The following MCU variants were observed in gnomAD, a reference collection of about 807,000 sequenced individuals.
The protein encoded by MCU is calcium uniporter protein, mitochondrial.
A neutral mutation model predicts 45.2 loss-of-function variants in MCU; 12 were observed. The ratio of observed to expected loss-of-function variants is 0.27; its 90% confidence interval spans 0.17 to 0.43. The LOEUF is 0.43. MCU is among the 20% of genes least tolerant of loss of function. The pLI is 1.00. For missense variants in MCU, 324 were observed against 436.7 expected (o/e 0.74, Z 2.30); for synonymous variants, 160 against 165.1 (o/e 0.97, Z 0.24).
At chr10:72,748,343 G>A (rs72812222) in intron 1 of MCU, among the ~76,000 whole-genome samples, 21 of 152,272 alleles carry the variant, frequency 1.4e-4, no homozygotes, top group Non-Finnish European at 2.5e-4. Flanking sequence ...CCACCGCACC[G>A]GCCAACCGTC....
intron 6 of MCU, among the ~76,000 whole-genome samples, chr10:72,872,245 CAT>C (rs1845552816): frequency 6.6e-6 from 1 of 152,072 alleles, no homozygotes; most frequent in African/African-American, 2.4e-5. Flanking sequence ...CTCCCTCAAA[CAT>C]GTATTATTTT....
chr10:72,803,118 G>A (rs955395990), intron 1 of MCU, among the ~76,000 whole-genome samples: 5 of 152,086 alleles, frequency 3.3e-5, no homozygotes, highest in Middle Eastern at 3.2e-3. Flanking sequence ...GCAAAATTAC[G>A]TGGGTTTTTC....
chr10:72,783,129 G>C (rs1292797574), intron 1 of MCU, among the ~76,000 whole-genome samples: 1 of 152,190 alleles, frequency 6.6e-6, no homozygotes, highest in Non-Finnish European at 1.5e-5. Context: ...TGAATAGTTT[G>C]AATGAAACCA....
intron 1 of MCU, among the ~76,000 whole-genome samples, chr10:72,767,311 T>C (rs887072116): frequency 2.0e-5 from 3 of 152,150 alleles, no homozygotes; most frequent in Non-Finnish European, 4.4e-5. Flanking sequence ...CTGCAATTCA[T>C]AGTTAAGAAA....
chr10:72,710,185 C>T (rs1422370075), intron 1 of MCU, among the ~76,000 whole-genome samples: 1 of 152,042 alleles, frequency 6.6e-6, no homozygotes, highest in Non-Finnish European at 1.5e-5. Flanking sequence ...ACCATGTTGG[C>T]CAGGATGGTC....
chr10:72,734,819 T>C (rs1216880619), intron 1 of MCU, among the ~76,000 whole-genome samples: 1 of 151,950 alleles, frequency 6.6e-6, no homozygotes, highest in Non-Finnish European at 1.5e-5. Context: ...GGTCTCACTA[T>C]GTTGCCCAGG....
At chr10:72,736,618 T>C (rs1843255420) in intron 1 of MCU, 1 of 152,222 alleles carries the variant, frequency 6.6e-6, no homozygotes, top group South Asian at 2.1e-4. Context: ...AAATAGATCG[T>C]AAACAGAAAC....
chr10:72,726,371 C>CT (rs975149299), intron 1 of MCU, among the ~76,000 whole-genome samples: 2 of 152,068 alleles, frequency 1.3e-5, no homozygotes. Context: ...AGAGCTCCCT[C>CT]TAAGTCAACT....
At chr10:72,860,241 A>G (rs1311044533) in intron 3 of MCU, 182 bp from the exon 4 acceptor site, 8 of 571,140 alleles carry the variant, frequency 1.4e-5, no homozygotes, top group Non-Finnish European at 1.2e-5. Context: ...AATCTTCACA[A>G]ACTTGAGTCC....
intron 1 of MCU, among the ~76,000 whole-genome samples, chr10:72,716,094 A>G (rs1842952897): frequency 6.6e-6 from 1 of 152,248 alleles, no homozygotes; most frequent in Non-Finnish European, 1.5e-5. Context: ...TTACTACAAT[A>G]CAGACATATC....
intron 1 of MCU, among the ~76,000 whole-genome samples, chr10:72,725,480 C>T (rs1248051188): frequency 6.7e-6 from 1 of 149,704 alleles, no homozygotes. Context: ...CACTATGTTG[C>T]CTAAGCTGGT....
intron 1 of MCU, among the ~76,000 whole-genome samples, chr10:72,769,195 A>G (rs1843770919): frequency 6.6e-6 from 1 of 152,110 alleles, no homozygotes; most frequent in African/African-American, 2.4e-5. Flanking sequence ...TGTCAGTGGA[A>G]TGTCTGAGCA....
chr10:72,768,138 A>T (rs1843754700), intron 1 of MCU, among the ~76,000 whole-genome samples: 1 of 152,160 alleles, frequency 6.6e-6, no homozygotes, highest in Non-Finnish European at 1.5e-5. Context: ...AACAAACAAA[A>T]GACTTTTTTA....
At chr10:72,852,609 G>C (rs1321725512) in intron 2 of MCU, among the ~76,000 whole-genome samples, 1 of 152,202 alleles carries the variant, frequency 6.6e-6, no homozygotes, top group African/African-American at 2.4e-5. Context: ...TGAGTTTACA[G>C]CCTGAGGCGG....
At chr10:72,752,429 A>G (rs1843515704) in intron 1 of MCU, among the ~76,000 whole-genome samples, 2 of 152,170 alleles carry the variant, frequency 1.3e-5, no homozygotes, top group South Asian at 4.1e-4. Flanking sequence ...AAAATAATCC[A>G]CAGTAAATAT....
intron 1 of MCU, among the ~76,000 whole-genome samples, chr10:72,725,058 G>A (rs1843077633): frequency 6.8e-6 from 1 of 146,204 alleles, no homozygotes. Flanking sequence ...CGACTTCCTG[G>A]GTTCAGGGGA....
At chr10:72,818,738 T>G (rs1589478046) in intron 1 of MCU, among the ~76,000 whole-genome samples, 1 of 151,374 alleles carries the variant, frequency 6.6e-6, no homozygotes, top group Admixed American at 6.6e-5. Flanking sequence ...CTACTTGGGA[T>G]GCTGAGGCAG....
chr10:72,830,104 C>G (rs996126391), intron 1 of MCU, among the ~76,000 whole-genome samples: 4 of 152,180 alleles, frequency 2.6e-5, no homozygotes, highest in African/African-American at 9.7e-5. Context: ...GCCGTGTGGT[C>G]TCTGTTGCAG....
At position 72,868,722 on chromosome 10, in the gene MCU, T is replaced by C; in HGVS notation, c.516T>C (p.Asn172=). 6.2e-7 allele frequency: 1 copy of C among 1,613,666 alleles called. No homozygotes were observed. The highest frequency in any genetic ancestry group is 8.5e-7 in the Non-Finnish European group (1 of 1,179,862). The change falls in exon 5 of 8, where the codon AAT becomes AAC. Residue 172 remains asparagine, a synonymous_variant. Transcript: ENST00000373053. ...PPKRDLLSHE[N]AATLNDVKTL... The stretch of plus-strand genomic sequence containing the variant: ...TTTCAGACCTCTTAAGTCATGAAAA[T>C]GCAGCAACGCTGAATGATGTAAAGA...
Sources: gnomAD v4.1 joint callset for allele counts (sites outside exome capture counted in the v4.1 genomes callset) on GRCh38, gnomAD v4.1.1 for gene constraint, MANE v1.5 for transcripts, NCBI Gene and HGNC (gene_info 2026-07-23, HGNC 2026-07-21) for gene names.